ZNF410: variants seen among roughly 807,000 people sequenced by gnomAD.
ZNF410 encodes zinc finger protein 410.
In ZNF410, 18 loss-of-function variants were observed where a neutral mutation model predicts 54.8. That is an observed-to-expected ratio of 0.33 (90% CI 0.23 to 0.49). The LOEUF (loss-of-function observed/expected upper bound fraction) is 0.49. ZNF410 is among the 20% of genes least tolerant of loss of function. The pLI is 0.99. For synonymous variants in ZNF410, 191 were observed against 207.3 expected (o/e 0.92, Z 0.68); for missense variants, 405 against 569.6 (o/e 0.71, Z 2.94).
chr14:73,907,667 G>A (rs902332696), intron 7 of ZNF410, among the ~76,000 whole-genome samples: 2 of 152,072 alleles, frequency 1.3e-5, no homozygotes, highest in African/African-American at 4.8e-5. Flanking sequence ...CGAGGCGAGT[G>A]GATCACCTGA....
In ZNF410 at chr14:73,905,991, A is replaced by ATATATATATATATATATATATG. The variant is rs1491231212; in HGVS notation, c.913+912_913+913insTATATATATATATATATGTATA. ...CACATATATATATATATATATATAT[A>ATATATATATATATATATATATG]TATACACACATACTTTTTTTTTTTT... On this transcript the variant is annotated intron_variant, in intron 7 of 11. Coordinates refer to ENST00000555044, the MANE Select transcript of ZNF410 (RefSeq NM_021188.3). 2.0e-3 allele frequency among the ~76,000 whole-genome samples: 278 copies of ATATATATATATATATATATATG among 141,480 alleles called. 4 individuals are homozygous for ATATATATATATATATATATATG. The highest frequency in any genetic ancestry group is 3.8e-3 in the South Asian group (16 of 4,266). The allele number at this position is 141,480 out of a possible 152,430, so 92.8% of individuals were successfully genotyped here. A position where few individuals can be genotyped will look rare whatever the true frequency, so the allele number is the denominator to read the frequency against.
At position 73,922,069 on chromosome 14, in the gene ZNF410, A is replaced by G. The variant is rs772525977; in HGVS notation, c.1133A>G (p.Glu378Gly). ...TCACAACCTATTCTCTGTGCAGCTG[A>G]GCCACTAATGGGCAGTAGTTTGCTT... The part of the protein sequence containing the change: ...AGSQEQEQTA[E>G]PLMGSSLLEE... The change falls in exon 10 of 12, where the codon GAG (glutamate) becomes GGG (glycine). Residue 378 changes from glutamate to glycine, a missense_variant. Coordinates refer to ENST00000555044, the MANE Select transcript of ZNF410 (RefSeq NM_021188.3). 1 of 1,614,066 alleles carries G rather than the reference A, an allele frequency of 6.2e-7. No homozygotes were observed. Among genetic ancestry groups the G allele is most frequent in the South Asian group, 1.1e-5 (1 of 91,072 alleles).
intron 8 of ZNF410, among the ~76,000 whole-genome samples, chr14:73,915,177 G>A (rs1043972613): frequency 1.3e-5 from 2 of 148,854 alleles, no homozygotes; most frequent in Admixed American, 6.7e-5. Context: ...CATGAGAATC[G>A]CTTAAACCCA....
intron 5 of ZNF410, among the ~76,000 whole-genome samples, chr14:73,901,701 C>T (rs1022338293): frequency 1.4e-4 from 21 of 151,076 alleles, no homozygotes; most frequent in Non-Finnish European, 2.2e-4. Flanking sequence ...GTGGCCGAGG[C>T]GGGTGGATCT....
intron 7 of ZNF410, among the ~76,000 whole-genome samples, chr14:73,905,992 T>C (rs12882154): frequency 1.6e-4 from 18 of 115,914 alleles, no homozygotes; most frequent in Non-Finnish European, 2.5e-4. Flanking sequence ...TATATATATA[T>C]ATACACACAT....
At chr14:73,923,032 A>G (rs2055777706) in intron 10 of ZNF410, among the ~76,000 whole-genome samples, 1 of 152,154 alleles carries the variant, frequency 6.6e-6, no homozygotes, top group African/African-American at 2.4e-5. Context: ...TGTTACTCAT[A>G]TCATATTCAG....
chr14:73,918,714 T>TTC lies in ZNF410; in HGVS notation c.1004-2266_1004-2265insTC, dbSNP rs1555354290. ...TTTTTTTTTTTTTTTTTTTTTTTTT[T>TTC]CCCCTAAACGGAGTCTTGCTGTCTC... On this transcript the variant is annotated intron_variant, in intron 8 of 11. Coordinates refer to ENST00000555044, the MANE Select transcript of ZNF410 (RefSeq NM_021188.3). 7.1e-5 allele frequency among the ~76,000 whole-genome samples: 8 copies of TTC among 113,252 alleles called. 1 individual carries two copies. The highest frequency in any genetic ancestry group is 2.0e-4 in the African/African-American group (6 of 29,478). 74.3% of individuals were successfully genotyped at this position (113,252 alleles called of 152,430 possible).
chr14:73,922,290 T>A, intron 10 of ZNF410, 84 bp downstream of exon 10: 1 of 1,384,512 alleles, frequency 7.2e-7, no homozygotes, highest in Non-Finnish European at 9.8e-7. Flanking sequence ...AATGTATGTT[T>A]AAATCTCATT....
Position 73,910,861 on chromosome 14 carries a change from C to CAA in ZNF410, c.1003+1448_1003+1449dup, listed in dbSNP as rs540690694. ...TGGGTGACAGGGCGAGACCCTGTCT[C>CAA]AAAAAAAAAAAAAAAAAAGTGGTAG... On this transcript the variant is annotated intron_variant, in intron 8 of 11. Transcript: ENST00000555044. Among the ~76,000 whole-genome samples the CAA allele has an allele frequency of 2.3e-3, 157 of 68,604 alleles. 1 individual carries two copies. Among genetic ancestry groups the CAA allele is most frequent in the African/African-American group, 6.5e-3 (129 of 19,792 alleles). 45.0% of individuals were successfully genotyped at this position (68,604 alleles called of 152,430 possible).
rs142558496 is a variant in ZNF410, at chr14:73,901,562, T to C, written c.581-2398T>C. Reference sequence around the variant, plus strand: ...ATTCATTTTTCCTATTTTATGATTATATTAATATTCTTATTGTATCTATAA... The same window carrying C: ...ATTCATTTTTCCTATTTTATGATTACATTAATATTCTTATTGTATCTATAA... On this transcript the variant is annotated intron_variant, in intron 5 of 11. Coordinates refer to ENST00000555044, the MANE Select transcript of ZNF410 (RefSeq NM_021188.3). Among the ~76,000 whole-genome samples, 1,211 of 152,158 alleles carry C rather than the reference T, an allele frequency of 8.0e-3. 10 individuals are homozygous for C. Among genetic ancestry groups the C allele is most frequent in the Middle Eastern group, 0.051 (15 of 294 alleles).
At chr14:73,894,152 A>C (rs1020416594) in intron 3 of ZNF410, among the ~76,000 whole-genome samples, 2 of 152,130 alleles carry the variant, frequency 1.3e-5, no homozygotes, top group African/African-American at 4.8e-5. Flanking sequence ...TGGGGAAAAA[A>C]GGTCAGTGCA....
chr14:73,928,406 A>C (rs930732570), intron 11 of ZNF410, among the ~76,000 whole-genome samples: 2 of 152,150 alleles, frequency 1.3e-5, no homozygotes, highest in Admixed American at 6.5e-5. Context: ...TGAGAGCTGG[A>C]AAGATAAGCT....
chr14:73,916,929 C>G (rs965484356), intron 8 of ZNF410: 1 of 151,996 alleles, frequency 6.6e-6, no homozygotes, highest in African/African-American at 2.4e-5. Context: ...TGCAGTGAGC[C>G]GAGATGCACC....
intron 7 of ZNF410, among the ~76,000 whole-genome samples, chr14:73,908,401 A>G (rs2055525260): frequency 6.6e-6 from 1 of 151,960 alleles, no homozygotes; most frequent in African/African-American, 2.4e-5. Flanking sequence ...GTTCTGTTAT[A>G]TATATTAGTA....
At chr14:73,905,962 C>T (rs1355874180) in intron 7 of ZNF410, among the ~76,000 whole-genome samples, 7 of 22,988 alleles carry the variant, frequency 3.0e-4, no homozygotes, top group East Asian at 3.7e-3. Context: ...CACACACACA[C>T]ACACACATAT....
At chr14:73,920,940 G>A (rs1304965871) in intron 8 of ZNF410, 40 bp from the exon 9 acceptor site, 1 of 1,612,126 alleles carries the variant, frequency 6.2e-7, no homozygotes, top group South Asian at 1.1e-5. Context: ...TTCTCTTCCT[G>A]TCCTTTTGGC....
At chr14:73,900,277 TCTAA>T (rs1289485888) in intron 5 of ZNF410, among the ~76,000 whole-genome samples, 1 of 152,204 alleles carries the variant, frequency 6.6e-6, no homozygotes, top group Non-Finnish European at 1.5e-5. Flanking sequence ...TTTATTTTTT[TCTAA>T]CTTAGTTATG....
intron 1 of ZNF410, among the ~76,000 whole-genome samples, chr14:73,890,551 A>AATT (rs2055213225): frequency 6.6e-6 from 1 of 152,134 alleles, no homozygotes; most frequent in South Asian, 2.1e-4. Context: ...ATTAATTGGA[A>AATT]ACTTTAAAGT....
intron 1 of ZNF410, among the ~76,000 whole-genome samples, chr14:73,888,023 G>T (rs1470962304): frequency 2.0e-5 from 3 of 152,184 alleles, no homozygotes; most frequent in Non-Finnish European, 4.4e-5. Context: ...GGGGTGACCA[G>T]TTAGAGGCCT....
Sources: gnomAD v4.1 joint callset for allele counts (sites outside exome capture counted in the v4.1 genomes callset) on GRCh38, gnomAD v4.1.1 for gene constraint, MANE v1.5 for transcripts, NCBI Gene and HGNC (gene_info 2026-07-23, HGNC 2026-07-21) for gene names.